The following RYR3 variants were observed in gnomAD, a reference collection of about 807,000 sequenced individuals.
RYR3 encodes ryanodine receptor 3.
RYR3 carries 207 observed loss-of-function variants against 584.3 expected under a neutral mutation model. The observed-to-expected ratio is 0.35, with a 90% CI of 0.32 to 0.40. RYR3 has a LOEUF of 0.40. RYR3 is among the 10% of genes least tolerant of loss of function. RYR3 has a pLI of 1.00. For synonymous variants in RYR3, 2,416 were observed against 2,248.5 expected (o/e 1.07, Z -2.11); for missense variants, 5,616 against 6,089.2 (o/e 0.92, Z 2.59).
At chr15:33,699,545 C>T (rs2066140206) in intron 40 of RYR3, among the ~76,000 whole-genome samples, 159 bp from the exon 41 acceptor site, 1 of 152,026 alleles carries the variant, frequency 6.6e-6, no homozygotes, top group African/African-American at 2.4e-5. Flanking sequence ...ATTTCAGGAA[C>T]TATAACTCCT....
intron 62 of RYR3, among the ~76,000 whole-genome samples, chr15:33,771,339 T>G (rs1237331168): frequency 6.6e-6 from 1 of 152,150 alleles, no homozygotes; most frequent in Admixed American, 6.5e-5. Context: ...TTGGAGACCA[T>G]CCTGGCCAAC....
intron 10 of RYR3, among the ~76,000 whole-genome samples, chr15:33,552,145 G>T (rs759690539): frequency 6.6e-6 from 1 of 152,138 alleles, no homozygotes; most frequent in Admixed American, 6.5e-5. Context: ...TCCAGCACAG[G>T]ATCAGGCGGC....
intron 99 of RYR3, chr15:33,858,169 C>T (rs1191735892): frequency 4.6e-6 from 2 of 431,698 alleles, no homozygotes; most frequent in African/African-American, 2.0e-5. Flanking sequence ...TGCACAGTGG[C>T]GTCATCATTC....
At chr15:33,512,196 C>A (rs902110263) in intron 3 of RYR3, among the ~76,000 whole-genome samples, 1 of 152,142 alleles carries the variant, frequency 6.6e-6, no homozygotes, top group East Asian at 1.9e-4. Flanking sequence ...CTCAGCTTCT[C>A]GATGCTTCAG....
intron 34 of RYR3, among the ~76,000 whole-genome samples, chr15:33,661,506 A>G (rs112691281): frequency 0.01 from 1,531 of 152,244 alleles, 8 homozygotes; most frequent in Non-Finnish European, 0.017. Flanking sequence ...GGCACCAGGG[A>G]CTGGTTTCAT....
chr15:33,454,221 CG>C (rs2047359141), intron 1 of RYR3, among the ~76,000 whole-genome samples: 1 of 152,310 alleles, frequency 6.6e-6, no homozygotes, highest in African/African-American at 2.4e-5. Flanking sequence ...GAAGGACTAA[CG>C]GCACTCTGAC....
At chr15:33,454,148 G>GT (rs2047353425) in intron 1 of RYR3, among the ~76,000 whole-genome samples, 1 of 152,190 alleles carries the variant, frequency 6.6e-6, no homozygotes, top group Non-Finnish European at 1.5e-5. Context: ...AGATGCTGTA[G>GT]TATTGGAAAA....
chr15:33,653,037 A>C (rs1308201374), intron 32 of RYR3, among the ~76,000 whole-genome samples, 154 bp downstream of exon 32: 1 of 152,224 alleles, frequency 6.6e-6, no homozygotes, highest in Non-Finnish European at 1.5e-5. Context: ...AATAAACAAC[A>C]ACAAAGTTAC....
chr15:33,468,339 G>T (rs1255700903), intron 1 of RYR3, among the ~76,000 whole-genome samples: 1 of 152,164 alleles, frequency 6.6e-6, no homozygotes, highest in African/African-American at 2.4e-5. Flanking sequence ...TGGTTGTGTT[G>T]TTGTGAAGGC....
Position 33,670,494 on chromosome 15 carries a change from A to G in RYR3, c.5798A>G (p.Lys1933Arg). 4 of 1,609,434 alleles carry G rather than the reference A, an allele frequency of 2.5e-6. No individual in the cohort carries two copies. Among genetic ancestry groups the G allele is most frequent in the Non-Finnish European group, 3.4e-6 (4 of 1,178,620 alleles). Residue 1933 changes from lysine to arginine, a missense_variant, in exon 38 of 104, where the codon AAA becomes AGA. By Grantham distance (26) the Lys-to-Arg change is conservative. Coordinates refer to ENST00000634891, the MANE Select transcript of RYR3 (RefSeq NM_001036.6). ...GGAAAACTCTGTGCCTTGGTTTACAAAATCAAAGGCCCACCCAAGCCAGAG... is the reference window on the plus strand; with the variant it reads ...GGAAAACTCTGTGCCTTGGTTTACAGAATCAAAGGCCCACCCAAGCCAGAG... The part of the protein sequence containing the change: ...WTGKLCALVY[K>R]IKGPPKPEKE...
chr15:33,515,964 C>A lies in RYR3; in HGVS notation c.279+12226C>A, dbSNP rs115923995. On this transcript the variant is annotated intron_variant, in intron 3 of 103. Transcript: ENST00000634891. ...ACACTTGTCTTTCCAAACATATATC[C>A]CTGTATAAAAGGAATTTCTAGGGTG... Among the ~76,000 whole-genome samples, 411 of 152,192 alleles carry A rather than the reference C, an allele frequency of 2.7e-3. 3 individuals carry two copies. The highest frequency in any genetic ancestry group is 9.7e-3 in the African/African-American group (403 of 41,506).
At chr15:33,795,353 G>C (rs2075537800) in intron 67 of RYR3, among the ~76,000 whole-genome samples, 1 of 148,750 alleles carries the variant, frequency 6.7e-6, no homozygotes, top group African/African-American at 2.5e-5. Context: ...TAAAAATCAA[G>C]AAGTATTAAA....
At chr15:33,717,905 T>C (rs1205065888) in intron 43 of RYR3, among the ~76,000 whole-genome samples, 1 of 152,200 alleles carries the variant, frequency 6.6e-6, no homozygotes, top group Non-Finnish European at 1.5e-5. Flanking sequence ...GTTTGTTCTC[T>C]GTGCTATCAC....
chr15:33,864,786 A>G (rs765514080), intron 103 of RYR3: 11 of 230,512 alleles, frequency 4.8e-5, no homozygotes, highest in East Asian at 9.5e-5. Context: ...TCAGCATGCA[A>G]TAAACGTTCC....
At chr15:33,635,901 G>C in intron 26 of RYR3, 82 bp downstream of exon 26, 1 of 1,231,864 alleles carries the variant, frequency 8.1e-7, no homozygotes, top group South Asian at 1.3e-5. Context: ...TCAAATTACT[G>C]GATCTCTGGC....
At chr15:33,779,083 C>T (rs1389286273) in intron 64 of RYR3, among the ~76,000 whole-genome samples, 1 of 152,200 alleles carries the variant, frequency 6.6e-6, no homozygotes, top group African/African-American at 2.4e-5. Context: ...CCACCCTTCC[C>T]TCCTCCTTCT....
At chr15:33,613,054 C>T (rs2060274509) in intron 18 of RYR3, 129 bp from the exon 19 acceptor site, 1 of 637,896 alleles carries the variant, frequency 1.6e-6, no homozygotes, top group South Asian at 1.9e-5. Flanking sequence ...ATTTCAAATG[C>T]AGTAGTACCT....
At chr15:33,640,619 A>T (rs1486797014) in intron 27 of RYR3, among the ~76,000 whole-genome samples, 1 of 152,072 alleles carries the variant, frequency 6.6e-6, no homozygotes, top group Non-Finnish European at 1.5e-5. Flanking sequence ...TTATAAGATT[A>T]CCCCCCTGCT....
chr15:33,817,059 G>A (rs765137365), intron 75 of RYR3, 101 bp downstream of exon 75: 25 of 722,636 alleles, frequency 3.5e-5, no homozygotes, highest in Non-Finnish European at 4.8e-5. Context: ...AAGGAATCGT[G>A]TGTATACAGT....
Sources: gnomAD v4.1 joint callset for allele counts (sites outside exome capture counted in the v4.1 genomes callset) on GRCh38, gnomAD v4.1.1 for gene constraint, MANE v1.5 for transcripts, NCBI Gene and HGNC (gene_info 2026-07-23, HGNC 2026-07-21) for gene names.